The following CWC27 variants were observed in gnomAD, a reference collection of about 807,000 sequenced individuals.
CWC27 encodes CWC27 spliceosome associated cyclophilin, also known as spliceosome-associated protein CWC27 homolog.
CWC27 carries 47 observed loss-of-function variants against 63.6 expected under a neutral mutation model. That is an observed-to-expected ratio of 0.74 (90% CI 0.58 to 0.94). CWC27 has a LOEUF of 0.94. CWC27 is among the 40% of genes least tolerant of loss of function. CWC27 has a pLI of 0.00. For missense variants in CWC27, 495 were observed against 554.3 expected, an observed-to-expected ratio of 0.89 and a Z score of 1.07; for synonymous variants, 175 against 179.8, an observed-to-expected ratio of 0.97 and a Z score of 0.22.
intron 7 of CWC27, among the ~76,000 whole-genome samples, chr5:64,791,244 G>C (rs140653825): frequency 1.4e-4 from 21 of 152,270 alleles, no homozygotes; most frequent in African/African-American, 4.8e-4. Flanking sequence ...CTTTGAGATA[G>C]ACTTGACTAG....
At chr5:64,881,275 T>A (rs1746929742) in intron 10 of CWC27, among the ~76,000 whole-genome samples, 2 of 152,118 alleles carry the variant, frequency 1.3e-5, no homozygotes, top group Non-Finnish European at 2.9e-5. Flanking sequence ...TCTCACCTTG[T>A]CATTTTTGAG....
At chr5:64,819,241 G>C (rs1303192978) in intron 10 of CWC27, among the ~76,000 whole-genome samples, 2 of 152,120 alleles carry the variant, frequency 1.3e-5, no homozygotes, top group Non-Finnish European at 2.9e-5. Flanking sequence ...ATAATTTTCA[G>C]TGGGACAAAA....
At chr5:64,773,773 A>C (rs1399548658) in intron 1 of CWC27, 1 of 152,160 alleles carries the variant, frequency 6.6e-6, no homozygotes, top group African/African-American at 2.4e-5. Flanking sequence ...AGACAGTTAT[A>C]AACTGTTTCC....
intron 11 of CWC27, among the ~76,000 whole-genome samples, chr5:64,918,575 A>G (rs1747935819): frequency 6.6e-6 from 1 of 152,192 alleles, no homozygotes; most frequent in Non-Finnish European, 1.5e-5. Flanking sequence ...AAGGGAAAAA[A>G]AGAAAATGGA....
intron 11 of CWC27, among the ~76,000 whole-genome samples, chr5:64,958,408 CT>C (rs1242106568): frequency 1.3e-5 from 2 of 152,066 alleles, no homozygotes; most frequent in Non-Finnish European, 2.9e-5. Context: ...GTTTTTTTAT[CT>C]GTAAAATGAG....
At position 64,799,587 on chromosome 5, in the gene CWC27, A is replaced by AAT. The variant is rs535986626; in HGVS notation, c.670-647_670-646dup. On this transcript the variant is annotated intron_variant, in intron 7 of 13. Transcript: ENST00000381070. Reference sequence around the variant, plus strand: ...GTGACAGAGTGAGACTCCATCTCAAAATATATATATATATACTTAATAGCA... The same window carrying AAT: ...GTGACAGAGTGAGACTCCATCTCAAAATATATATATATATATACTTAATAGCA... Among the ~76,000 whole-genome samples the AAT allele has an allele frequency of 2.3e-3, 173 of 75,758 alleles. 8 individuals carry two copies. In the South Asian group the frequency reaches 0.029, roughly 13 times the overall value. 49.7% of individuals were successfully genotyped at this position (75,758 alleles called of 152,430 possible). A position where few individuals can be genotyped will look rare whatever the true frequency, so the allele number is the denominator to read the frequency against.
chr5:64,952,999 A>T (rs1375063496), intron 11 of CWC27, among the ~76,000 whole-genome samples: 2 of 152,152 alleles, frequency 1.3e-5, no homozygotes, highest in Non-Finnish European at 2.9e-5. Context: ...CTTGTACTTT[A>T]TTCCATGCTT....
intron 7 of CWC27, among the ~76,000 whole-genome samples, chr5:64,789,221 G>A (rs771377427): frequency 6.6e-6 from 1 of 151,558 alleles, no homozygotes; most frequent in African/African-American, 2.4e-5. Context: ...TTTAATGTTG[G>A]CATTTTAAAA....
intron 13 of CWC27, among the ~76,000 whole-genome samples, chr5:65,011,194 G>A (rs1002961359): frequency 1.3e-5 from 2 of 152,120 alleles, no homozygotes; most frequent in Non-Finnish European, 2.9e-5. Flanking sequence ...AATAGCCACT[G>A]CATTCCAGCC....
chr5:64,890,885 T>C (rs1430495732), intron 11 of CWC27, among the ~76,000 whole-genome samples: 1 of 152,186 alleles, frequency 6.6e-6, no homozygotes, highest in Non-Finnish European at 1.5e-5. Context: ...GAAAAGGCAC[T>C]GACCTGTGGA....
At chr5:64,820,705 A>G (rs923362098) in intron 10 of CWC27, among the ~76,000 whole-genome samples, 2 of 152,294 alleles carry the variant, frequency 1.3e-5, no homozygotes, top group African/African-American at 4.8e-5. Context: ...AACAAATGGT[A>G]CTGGAATAAT....
chr5:64,954,698 A>G (rs1223710374), intron 11 of CWC27, among the ~76,000 whole-genome samples: 2 of 136,602 alleles, frequency 1.5e-5, no homozygotes, highest in Non-Finnish European at 1.5e-5. Context: ...ATATATATGC[A>G]TATAGAAAGC....
intron 11 of CWC27, among the ~76,000 whole-genome samples, chr5:64,913,999 T>C (rs1017972494): frequency 6.6e-6 from 1 of 152,090 alleles, no homozygotes; most frequent in African/African-American, 2.4e-5. Flanking sequence ...AGACACGTGA[T>C]ATAGAATAGA....
chr5:64,783,750 G>A (rs1743779191), intron 3 of CWC27, 86 bp from the exon 4 acceptor site: 4 of 1,149,300 alleles, frequency 3.5e-6, no homozygotes, highest in Admixed American at 5.9e-5. Context: ...ATTAGAAGTT[G>A]TATGGGACCT....
chr5:64,897,876 A>T (rs990645826), intron 11 of CWC27, among the ~76,000 whole-genome samples: 2 of 152,214 alleles, frequency 1.3e-5, no homozygotes, highest in Non-Finnish European at 2.9e-5. Context: ...AGACCTAATA[A>T]CATAAACTCA....
At position 64,785,576 on chromosome 5, in the gene CWC27, T is replaced by C. The variant is rs1411012297; in HGVS notation, c.492T>C (p.Cys164=). The C allele has an allele frequency of 7.6e-6, 12 of 1,580,684 alleles. No individual in the cohort carries two copies. The highest frequency in any genetic ancestry group is 1.0e-5 in the Non-Finnish European group (12 of 1,160,708). ...RPHNPHKIKS[C]EVLFNPFDDI... ...ATAATCCACACAAAATAAAAAGCTG[T>C]GAGGTAGGAGCATGATTATTACGAG... Residue 164 remains cysteine (C), a synonymous_variant, in exon 5 of 14, where the codon TGT becomes TGC. Coordinates refer to ENST00000381070, the MANE Select transcript of CWC27 (RefSeq NM_005869.4).
At chr5:64,988,752 C>T (rs113624008) in intron 13 of CWC27, among the ~76,000 whole-genome samples, 3,217 of 152,024 alleles carry the variant, frequency 0.021, 46 homozygotes, top group Middle Eastern at 0.037. Flanking sequence ...TATAGGCATG[C>T]GCCACCGCAT....
chr5:64,783,032 A>G (rs1400581648), intron 3 of CWC27, among the ~76,000 whole-genome samples: 1 of 152,186 alleles, frequency 6.6e-6, no homozygotes, highest in Non-Finnish European at 1.5e-5. Context: ...TAATACAGTT[A>G]TCTTGTTACA....
rs116387499 is a variant in CWC27, at chr5:64,915,342, G to A, written c.1042+29796G>A. Among the ~76,000 whole-genome samples, 226 of 152,250 alleles carry A rather than the reference G, an allele frequency of 1.5e-3. 1 individual carries two copies. The highest frequency in any genetic ancestry group is 6.8e-3 in the Middle Eastern group (2 of 294). On this transcript the variant is annotated intron_variant, in intron 11 of 13. Transcript: ENST00000381070. ...AGAAAATAATGTTTGTGATTATCCC[G>A]TAGGGAAAGATAATGGTTACTTTTA...
Sources: gnomAD v4.1 joint callset for allele counts (sites outside exome capture counted in the v4.1 genomes callset) on GRCh38, gnomAD v4.1.1 for gene constraint, MANE v1.5 for transcripts, NCBI Gene and HGNC (gene_info 2026-07-23, HGNC 2026-07-21) for gene names.